The following PEX16 variants were observed in gnomAD, a reference collection of about 807,000 sequenced individuals.
PEX16 encodes peroxisomal biogenesis factor 16.
In PEX16, 37 loss-of-function variants were observed where a neutral mutation model predicts 50.5. The ratio of observed to expected loss-of-function variants is 0.73; its 90% CI spans 0.56 to 0.96. The LOEUF is 0.96. Ranked by LOEUF, PEX16 falls within the 40% of genes least tolerant of loss-of-function variation. The pLI, the probability that PEX16 is intolerant of heterozygous loss-of-function variation, is 0.00. For synonymous variants in PEX16, 185 were observed against 190.3 expected, an observed-to-expected ratio of 0.97 and a Z score of 0.23; for missense variants, 401 against 438.3, an observed-to-expected ratio of 0.91 and a Z score of 0.76.
At chr11:45,914,243 C>A (rs1023213575) in intron 7 of PEX16, 40 bp from the exon 8 acceptor site, 5 of 1,613,314 alleles carry the variant, frequency 3.1e-6, no homozygotes, top group Non-Finnish European at 4.2e-6. Flanking sequence ...AGCACAGGGG[C>A]CTTGCTCAGC....
chr11:45,913,702 C>T lies in PEX16; in HGVS notation c.887+117G>A, dbSNP rs2271845. 0.63 allele frequency: 761,699 copies of T among 1,212,586 alleles called. 256,102 individuals are homozygous for T. Among genetic ancestry groups the T allele is most frequent in the Non-Finnish European group, 0.7 (583,577 of 831,870 alleles). 75.1% of individuals were successfully genotyped at this position (1,212,586 alleles called of 1,614,324 possible). A position where few individuals can be genotyped will look rare whatever the true frequency, so the allele number is the denominator to read the frequency against. ...TCTGGTGACTGCCACCCGGACAACA[C>T]ACAGTGCTTGGTGAACCCTGGATGA... is the stretch of plus-strand genomic sequence containing the variant. On this transcript the variant is annotated intron_variant, in intron 9 of 10. Transcript: ENST00000378750.
At chr11:45,918,721 T>G (rs1040448715), upstream of PEX16, 4 of 152,370 alleles carry the variant, frequency 2.6e-5, no homozygotes, top group African/African-American at 9.6e-5. Context: ...CACCTCGCAG[T>G]CCTCAGCTGC....
In PEX16 at chr11:45,914,314, A is replaced by G. The variant is rs2086809211; in HGVS notation, c.694+2T>C. On this transcript the variant is annotated splice_donor_variant, in intron 7 of 10. Transcript: ENST00000378750. LOFTEE classifies it high-confidence loss of function. ...CCCTATCCTGCCCCGCGCTAAGGAT[A>G]CAGTGCAGCAGCGGCCGGGCAATGT... 6.2e-7 allele frequency: 1 copy of G among 1,613,438 alleles called. No individual in the cohort carries two copies. Among genetic ancestry groups the G allele is most frequent in the East Asian group, 2.2e-5 (1 of 44,874 alleles).
intron 2 of PEX16, among the ~76,000 whole-genome samples, chr11:45,916,714 G>A (rs770331355): frequency 6.6e-6 from 1 of 152,196 alleles, no homozygotes; most frequent in Non-Finnish European, 1.5e-5. Flanking sequence ...TTGTTGCCCA[G>A]GCTGGAGTGC....
chr11:45,911,307 C>A (rs1261536872), intron 9 of PEX16, among the ~76,000 whole-genome samples: 1 of 152,182 alleles, frequency 6.6e-6, no homozygotes. Context: ...CCAGGGAGGA[C>A]AACCCCACCC....
chr11:45,910,373 A>G (rs2086763828), intron 10 of PEX16, 61 bp from the exon 11 acceptor site: 2 of 1,370,624 alleles, frequency 1.5e-6, no homozygotes, highest in Admixed American at 3.4e-5. Context: ...GTGGCGCCAC[A>G]TACAGCACCT....
rs1300181074 is a variant in PEX16, at chr11:45,916,312, T to C, written c.149-9A>G. ...GTTAGAGGCAGAGTACACTGAGGGG[T>C]AGAGAGTGGCCTTGAGAGGCTGGCT... On this transcript the variant is annotated splice_polypyrimidine_tract_variant and intron_variant, in intron 2 of 10. Transcript: ENST00000378750. 3.1e-6 allele frequency: 5 copies of C among 1,611,470 alleles called. No individual in the cohort carries two copies. Among genetic ancestry groups the C allele is most frequent in the African/African-American group, 1.3e-5 (1 of 74,810 alleles).
At position 45,917,770 on chromosome 11, in the gene PEX16, G is replaced by A. The variant is rs376366140; in HGVS notation, c.42C>T (p.Tyr14=). 1.4e-5 allele frequency: 22 copies of A among 1,551,194 alleles called. No homozygotes were observed. Among genetic ancestry groups the A allele is most frequent in the Admixed American group, 1.9e-5 (1 of 51,522 alleles). ...LRLLGLRYQE[Y]VTRHPAATAQ... is the part of the protein sequence containing the mutation. ...CCGTGGCGGCCGGGTGACGAGTCACGTACTCCTGGTAGCGGAGGCCCAGGA... is the reference window on the plus strand; with the variant it reads ...CCGTGGCGGCCGGGTGACGAGTCACATACTCCTGGTAGCGGAGGCCCAGGA... Residue 14 remains tyrosine, a synonymous_variant, in exon 1 of 11, where the codon TAC becomes TAT. Transcript: ENST00000378750.
At chr11:45,913,992 A>G (rs1406134662) in intron 8 of PEX16, 54 bp from the exon 9 acceptor site, 3 of 1,607,916 alleles carry the variant, frequency 1.9e-6, no homozygotes, top group East Asian at 2.2e-5. Context: ...AGGCCCACGG[A>G]AGGGGAGGAG....
At chr11:45,910,551 C>T (rs2086766653) in intron 10 of PEX16, among the ~76,000 whole-genome samples, 1 of 152,218 alleles carries the variant, frequency 6.6e-6, no homozygotes. Context: ...AACCCAAGCC[C>T]AGTGGGCCTC....
At chr11:45,915,361 C>A in intron 5 of PEX16, 107 bp downstream of exon 5, 2 of 799,026 alleles carry the variant, frequency 2.5e-6, no homozygotes, top group Non-Finnish European at 4.4e-6. Context: ...TTGATAGGGA[C>A]AGGCGTGCTC....
rs1344841850 is a variant in PEX16 at position 45,914,689 on chromosome 11, CA to C, written c.461-6del. ...TGCCAGGGCTGTGGTCACCATCTAG[CA>C]GGGATAGACAGAAGGCCATACAGTC... On this transcript the variant is annotated splice_region_variant and splice_polypyrimidine_tract_variant and intron_variant, in intron 5 of 10. Coordinates refer to ENST00000378750, the MANE Select transcript of PEX16 (RefSeq NM_004813.4). 3.7e-6 allele frequency: 6 copies of C among 1,612,926 alleles called. No individual in the cohort carries two copies. The Admixed American group carries it at 8.3e-5, about 22-fold the overall frequency.
chr11:45,917,707 C>T lies in PEX16; in HGVS notation c.105G>A (p.Leu35=). 6.4e-7 allele frequency: 1 copy of T among 1,558,044 alleles called. No homozygotes were observed. ...CAAAGGTCAGGGTGGCACCTGCCAG[C>T]AGGTAACTGAAGCCCCGCACTGCTG... ...LETAVRGFSY[L]LAGRFADSHE... Residue 35 remains leucine (L), a synonymous_variant, in exon 1 of 11, where the codon CTG becomes CTA. Coordinates refer to ENST00000378750, the MANE Select transcript of PEX16 (RefSeq NM_004813.4).
chr11:45,914,288 G>C, intron 7 of PEX16, 28 bp downstream of exon 7: 1 of 1,613,602 alleles, frequency 6.2e-7, no homozygotes, highest in Non-Finnish European at 8.5e-7. Context: ...CACAGTGCCA[G>C]CCCTATCCTG....
In PEX16 at chr11:45,915,740, C is replaced by T; in HGVS notation, c.322G>A (p.Gly108Ser). The stretch of plus-strand genomic sequence containing the variant: ...ACGAGGGCGATGACAAGCCAGCGGC[C>T]CACTTCACCCCACACCTTGGCAGCT... ...MGAAKVWGEV[G>S]RWLVIALVQL... Residue 108 changes from glycine (G) to serine (S), a missense_variant, in exon 4 of 11, where the codon GGC (glycine) becomes AGC (serine). Gly to Ser is a moderately conservative substitution (Grantham distance 56, BLOSUM62 0). Coordinates refer to ENST00000378750, the MANE Select transcript of PEX16 (RefSeq NM_004813.4). 1 of 1,614,054 alleles carries T rather than the reference C, an allele frequency of 6.2e-7. No individual in the cohort carries two copies. The highest frequency in any genetic ancestry group is 8.5e-7 in the Non-Finnish European group (1 of 1,179,998).
intron 9 of PEX16, 142 bp from the exon 10 acceptor site, chr11:45,911,104 G>A (rs984056645): frequency 4.4e-6 from 3 of 675,968 alleles, no homozygotes; most frequent in Non-Finnish European, 7.9e-6. Context: ...TGGGAGCTAG[G>A]ACAAAGCCCG....
chr11:45,917,533 G>T, intron 1 of PEX16, 40 bp from the exon 2 acceptor site: 1 of 1,610,588 alleles, frequency 6.2e-7, no homozygotes, highest in Non-Finnish European at 8.5e-7. Flanking sequence ...GTGAGCATCT[G>T]CCTCACATTT....
intron 9 of PEX16, among the ~76,000 whole-genome samples, chr11:45,911,192 C>T (rs1590793588): frequency 6.6e-6 from 1 of 152,236 alleles, no homozygotes; most frequent in East Asian, 1.9e-4. Context: ...GCCGCTGACC[C>T]ACAACACCTC....
chr11:45,914,916 G>A (rs2086818486), intron 5 of PEX16, among the ~76,000 whole-genome samples: 2 of 152,232 alleles, frequency 1.3e-5, no homozygotes, highest in Admixed American at 6.5e-5. Context: ...CAGCATAGCT[G>A]TGGCCAGAGC....
Sources: allele counts gnomAD v4.1 joint callset (sites outside exome capture counted in the v4.1 genomes callset), GRCh38; gene constraint gnomAD v4.1.1; transcripts MANE v1.5; gene names NCBI Gene and HGNC (gene_info 2026-07-23, HGNC 2026-07-21).